WWC2: variants seen among roughly 807,000 people sequenced by gnomAD.
The protein encoded by WWC2 is protein WWC2.
In WWC2, 101 loss-of-function variants were observed where a neutral mutation model predicts 138.5. The observed-to-expected ratio is 0.73, with a 90% CI of 0.62 to 0.86. The LOEUF is 0.86. Ranked by LOEUF, WWC2 falls within the 40% of genes least tolerant of loss-of-function variation. The pLI is 0.00. For missense variants in WWC2, 1,420 were observed against 1,419.4 expected, an observed-to-expected ratio of 1.00 and a Z score of -0.01; for synonymous variants, 558 against 538.4, an observed-to-expected ratio of 1.04 and a Z score of -0.50.
chr4:183,175,887 CAAAG>C (rs1046252910), intron 1 of WWC2, among the ~76,000 whole-genome samples: 2 of 152,190 alleles, frequency 1.3e-5, no homozygotes, highest in Non-Finnish European at 2.9e-5. Flanking sequence ...TCAATTAAAA[CAAAG>C]AAGCAGTATT....
At chr4:183,232,195 G>A (rs1355551804) in intron 4 of WWC2, among the ~76,000 whole-genome samples, 1 of 152,160 alleles carries the variant, frequency 6.6e-6, no homozygotes, top group Non-Finnish European at 1.5e-5. Flanking sequence ...GTCTTTATTA[G>A]TAGATGATTT....
intron 1 of WWC2, among the ~76,000 whole-genome samples, chr4:183,120,063 T>G (rs1732550786): frequency 6.6e-6 from 1 of 152,052 alleles, no homozygotes; most frequent in Non-Finnish European, 1.5e-5. Flanking sequence ...ATCCTAGCCG[T>G]AGAGATGAAA....
Position 183,236,125 on chromosome 4 carries a change from A to G in WWC2, c.523-4058A>G, listed in dbSNP as rs1057304449. On this transcript the variant is annotated intron_variant, in intron 4 of 22. Coordinates refer to ENST00000403733, the MANE Select transcript of WWC2 (RefSeq NM_024949.6). ...TTGAAGGGACTGTCCTTTCCCCAGT[A>G]TATGTTCTTGGCACCATTGTCAAAA... Among the ~76,000 whole-genome samples, 15 of 152,048 alleles carry G rather than the reference A, an allele frequency of 9.9e-5. No homozygotes were observed. The East Asian group carries it at 1.5e-3, about 16-fold the overall frequency.
chr4:183,228,196 T>A (rs138318081), intron 4 of WWC2, among the ~76,000 whole-genome samples: 102 of 152,158 alleles, frequency 6.7e-4, no homozygotes, highest in African/African-American at 2.3e-3. Context: ...TTTGTTAATG[T>A]CAGAAGTGAT....
At chr4:183,228,905 A>T (rs79405638) in intron 4 of WWC2, among the ~76,000 whole-genome samples, 1 of 152,120 alleles carries the variant, frequency 6.6e-6, no homozygotes, top group Non-Finnish European at 1.5e-5. Context: ...ATGCAAATCA[A>T]CGTACACAAC....
At chr4:183,271,809 G>C (rs188210453) in intron 16 of WWC2, among the ~76,000 whole-genome samples, 1 of 152,236 alleles carries the variant, frequency 6.6e-6, no homozygotes, top group Admixed American at 6.5e-5. Context: ...TTCAAGACCA[G>C]CATGGGCAAC....
At position 183,130,371 on chromosome 4, in the gene WWC2, T is replaced by TA. The variant is rs1013153733; in HGVS notation, c.131+30759dup. The stretch of plus-strand genomic sequence containing the variant: ...AGCCATTCCTAAGTATCTTTAAAAT[T>TA]AAAAAAAAAATTATGTGTGGCTGGG... On this transcript the variant is annotated intron_variant, in intron 1 of 22. Transcript: ENST00000403733. 3.4e-4 allele frequency among the ~76,000 whole-genome samples: 51 copies of TA among 150,866 alleles called. 1 individual carries two copies. The highest frequency in any genetic ancestry group is 1.7e-3 in the Admixed American group (25 of 15,120).
At chr4:183,237,352 C>T (rs1162152989) in intron 4 of WWC2, among the ~76,000 whole-genome samples, 1 of 150,992 alleles carries the variant, frequency 6.6e-6, no homozygotes, top group African/African-American at 2.4e-5. Flanking sequence ...GCAAAAAGCA[C>T]TTGAAAATGC....
chr4:183,206,852 A>G (rs1367950377), intron 2 of WWC2, among the ~76,000 whole-genome samples: 6 of 152,246 alleles, frequency 3.9e-5, no homozygotes, highest in Non-Finnish European at 1.5e-5. Flanking sequence ...CATGTGGTCA[A>G]AAAATATGTT....
At chr4:183,128,291 A>G (rs190286171) in intron 1 of WWC2, among the ~76,000 whole-genome samples, 53 of 152,282 alleles carry the variant, frequency 3.5e-4, no homozygotes, top group African/African-American at 1.2e-3. Context: ...GTGAGCCAAG[A>G]CCGTGCCATT....
chr4:183,227,668 G>A (rs1262108850), intron 4 of WWC2, among the ~76,000 whole-genome samples: 1 of 152,014 alleles, frequency 6.6e-6, no homozygotes, highest in African/African-American at 2.4e-5. Flanking sequence ...ATCAAAGCTG[G>A]TGGGGAATTA....
chr4:183,211,872 A>T (rs1393834778), intron 4 of WWC2, among the ~76,000 whole-genome samples: 4 of 150,744 alleles, frequency 2.7e-5, no homozygotes, highest in Non-Finnish European at 5.9e-5. Context: ...CCCAGGCTGG[A>T]GTACAGTGGC....
chr4:183,277,799 A>G (rs1288012189), intron 16 of WWC2, among the ~76,000 whole-genome samples: 27 of 149,564 alleles, frequency 1.8e-4, no homozygotes, highest in African/African-American at 6.6e-4. Context: ...GTGTCTGTTC[A>G]TGTCCTTCGC....
intron 1 of WWC2, among the ~76,000 whole-genome samples, chr4:183,128,440 A>T (rs1451917010): frequency 6.6e-6 from 1 of 152,052 alleles, no homozygotes; most frequent in African/African-American, 2.4e-5. Flanking sequence ...GCTTGAGCCC[A>T]GGAAGTGGAG....
intron 2 of WWC2, among the ~76,000 whole-genome samples, chr4:183,196,061 C>T (rs1260693752): frequency 6.6e-6 from 1 of 152,122 alleles, no homozygotes; most frequent in Non-Finnish European, 1.5e-5. Flanking sequence ...CTTCCGCTTA[C>T]TCTCTTGCTT....
chr4:183,247,856 A>T (rs1361327985), intron 6 of WWC2, among the ~76,000 whole-genome samples: 1 of 145,748 alleles, frequency 6.9e-6, no homozygotes, highest in East Asian at 2.0e-4. Context: ...AAAATTTCAG[A>T]TCTCTGATAT....
At chr4:183,277,552 C>T in intron 16 of WWC2, among the ~76,000 whole-genome samples, 1 of 148,670 alleles carries the variant, frequency 6.7e-6, no homozygotes, top group South Asian at 2.2e-4. Context: ...TGAGGAATCA[C>T]CACACTGACT....
At chr4:183,178,168 A>T (rs1258299940) in intron 1 of WWC2, among the ~76,000 whole-genome samples, 1 of 152,180 alleles carries the variant, frequency 6.6e-6, no homozygotes, top group African/African-American at 2.4e-5. Flanking sequence ...CACCAACCTC[A>T]CATTATGAAC....
intron 1 of WWC2, among the ~76,000 whole-genome samples, chr4:183,140,434 T>C (rs1733268136): frequency 6.6e-6 from 1 of 152,180 alleles, no homozygotes; most frequent in South Asian, 2.1e-4. Context: ...CAAGCAGTTA[T>C]TGCAATGATT....
Sources: gnomAD v4.1 joint callset for allele counts (sites outside exome capture counted in the v4.1 genomes callset) on GRCh38, gnomAD v4.1.1 for gene constraint, MANE v1.5 for transcripts, NCBI Gene and HGNC (gene_info 2026-07-23, HGNC 2026-07-21) for gene names.